FLNB: variants seen among roughly 807,000 people sequenced by gnomAD.
The protein encoded by FLNB is filamin B.
Under a neutral mutation model 250.6 loss-of-function variants are expected in FLNB, and 111 were observed. That is an observed-to-expected ratio of 0.44 (90% confidence interval 0.38 to 0.52). FLNB has a LOEUF of 0.52. Among genes scored for constraint, FLNB ranks in the 20% least tolerant of loss-of-function variants. FLNB has a pLI of 0.00. For synonymous variants in FLNB, 1,302 were observed against 1,372.1 expected, an observed-to-expected ratio of 0.95 and a Z score of 1.13; for missense variants, 2,869 against 3,447.8, an observed-to-expected ratio of 0.83 and a Z score of 4.20.
chr3:58,132,981 A>G, intron 26 of FLNB, 50 bp downstream of exon 26: 1 of 1,569,410 alleles, frequency 6.4e-7, no homozygotes, highest in Non-Finnish European at 8.6e-7. Flanking sequence ...CTATCTGTCC[A>G]CCCATCCATT....
intron 1 of FLNB, among the ~76,000 whole-genome samples, chr3:58,051,491 G>T (rs1387883521): frequency 1.3e-5 from 2 of 152,114 alleles, no homozygotes; most frequent in African/African-American, 4.8e-5. Context: ...TCTGCTACGT[G>T]TCCATCTGCA....
intron 1 of FLNB, among the ~76,000 whole-genome samples, chr3:58,017,770 A>G (rs902790843): frequency 6.6e-6 from 1 of 152,222 alleles, no homozygotes; most frequent in African/African-American, 2.4e-5. Context: ...AGCATTTACC[A>G]AAGAACAATT....
In FLNB at chr3:58,171,061, T is replaced by A. The variant is rs769154483; in HGVS notation, c.*299T>A. 1.9e-5 allele frequency: 7 copies of A among 359,000 alleles called. No individual in the cohort carries two copies. The highest frequency in any genetic ancestry group is 8.5e-5 in the Admixed American group (2 of 23,496). 22.2% of individuals were successfully genotyped at this position (359,000 alleles called of 1,614,324 possible). A position where few individuals can be genotyped will look rare whatever the true frequency, so the allele number is the denominator to read the frequency against. ...TGCAGCAGACAGACCAGGAACACAA[T>A]GAGACTGACATTTCAAAAAAACAAA... On this transcript the variant is annotated 3_prime_UTR_variant, in exon 46 of 46. Coordinates refer to ENST00000295956, the MANE Select transcript of FLNB (RefSeq NM_001457.4). The surrounding 1 kb of genome is among the most constrained non-coding windows in gnomAD (Gnocchi z 5.5).
Position 58,110,183 on chromosome 3 carries a change from G to T in FLNB, c.2484+13G>T. 2 of 1,614,092 alleles carry T rather than the reference G, an allele frequency of 1.2e-6. No homozygotes were observed. Among genetic ancestry groups the T allele is most frequent in the South Asian group, 2.2e-5 (2 of 91,072 alleles). On this transcript the variant is annotated intron_variant, in intron 16 of 45. Transcript: ENST00000295956. ...CTTTGCATCTCAGGTACGTGGTGGG[G>T]CCTGGGAGGAGATGGGTGGAGTAGG...
At position 58,108,419 on chromosome 3, in the gene FLNB, A is replaced by G. The variant is rs764170588; in HGVS notation, c.1942-39A>G. 27 of 1,329,466 alleles carry G rather than the reference A, an allele frequency of 2.0e-5. No individual in the cohort carries two copies. In the Middle Eastern group the frequency reaches 7.2e-4, roughly 36 times the overall value. 82.4% of individuals were successfully genotyped at this position (1,329,466 alleles called of 1,614,324 possible). A position where few individuals can be genotyped will look rare whatever the true frequency, so the allele number is the denominator to read the frequency against. On this transcript the variant is annotated intron_variant, in intron 12 of 45. Coordinates refer to ENST00000295956, the MANE Select transcript of FLNB (RefSeq NM_001457.4). ...CTTTGTATAAGGGTTTAGTTGGGGCATTACACAGAAAGAGACTTACTATCT... is the reference window on the plus strand; with the variant it reads ...CTTTGTATAAGGGTTTAGTTGGGGCGTTACACAGAAAGAGACTTACTATCT...
At chr3:58,069,001 A>G (rs915761945) in intron 1 of FLNB, among the ~76,000 whole-genome samples, 2 of 151,888 alleles carry the variant, frequency 1.3e-5, no homozygotes, top group African/African-American at 4.8e-5. Flanking sequence ...TAAATTAGCC[A>G]GGTGGGTGGC....
At chr3:58,045,129 T>G (rs925612118) in intron 1 of FLNB, among the ~76,000 whole-genome samples, 1 of 152,204 alleles carries the variant, frequency 6.6e-6, no homozygotes. Context: ...AAGACCCTGA[T>G]TGCCAAATTC....
intron 42 of FLNB, 95 bp from the exon 43 acceptor site, chr3:58,163,059 G>C (rs1373181386): frequency 8.1e-7 from 1 of 1,231,256 alleles, no homozygotes; most frequent in East Asian, 2.3e-5. Context: ...GATTTTAAAT[G>C]GGCCATCTCA....
intron 4 of FLNB, among the ~76,000 whole-genome samples, chr3:58,082,291 G>T (rs184183860): frequency 3.1e-4 from 47 of 152,328 alleles, no homozygotes; most frequent in African/African-American, 1.1e-3. Flanking sequence ...ATAGTGGGTA[G>T]AAGCCATTTC....
At chr3:58,060,543 G>A (rs2097176643) in intron 1 of FLNB, among the ~76,000 whole-genome samples, 1 of 151,550 alleles carries the variant, frequency 6.6e-6, no homozygotes, top group Non-Finnish European at 1.5e-5. Flanking sequence ...AGTAGAGATG[G>A]GGTTTTGTCA....
At chr3:58,140,686 G>A (rs984062666) in intron 29 of FLNB, among the ~76,000 whole-genome samples, 8 of 152,178 alleles carry the variant, frequency 5.3e-5, no homozygotes, top group Non-Finnish European at 1.2e-4. Flanking sequence ...TCAGCTCTCT[G>A]CAACCTCCAC....
At chr3:58,072,502 T>C (rs531753480) in intron 1 of FLNB, among the ~76,000 whole-genome samples, 1 of 152,360 alleles carries the variant, frequency 6.6e-6, no homozygotes, top group South Asian at 2.1e-4. Context: ...ATCTACGTGA[T>C]GGTCAGACGT....
intron 11 of FLNB, 48 bp downstream of exon 11, chr3:58,105,264 A>T: frequency 1.2e-6 from 2 of 1,612,658 alleles, no homozygotes; most frequent in Non-Finnish European, 1.7e-6. Context: ...TGAGGATTAC[A>T]GGGCTTCCGG....
At chr3:58,126,565 A>G (rs746062013) in intron 23 of FLNB, 37 bp from the exon 24 acceptor site, 19 of 1,608,998 alleles carry the variant, frequency 1.2e-5, no homozygotes, top group South Asian at 8.8e-5. Flanking sequence ...GCATAAATAA[A>G]TGGTGCACAT....
rs746105983 is a variant in FLNB at position 58,104,060 on chromosome 3, TG to T, written c.1592del (p.Gly531AspfsTer42). On this transcript the variant is annotated frameshift_variant, in exon 10 of 46. Coordinates refer to ENST00000295956, the MANE Select transcript of FLNB (RefSeq NM_001457.4). LOFTEE classifies it high-confidence loss of function. ...GGGGAGATACAGCATTGCCATCACATGGGGGGGACACCACATTCCAAAGAGG... is the reference window on the plus strand; with the variant it reads ...GGGGAGATACAGCATTGCCATCACATGGGGGGACACCACATTCCAAAGAGG... Reference protein sequence around the residue: ...TPGRYSIAITWGGHHIPKSPF... With the variant: ...TPGRYSIAITXGGHHIPKSPF... 5 of 1,613,564 alleles carry T rather than the reference TG, an allele frequency of 3.1e-6. No homozygotes were observed. The highest frequency in any genetic ancestry group is 1.7e-4 in the Middle Eastern group (1 of 5,958).
intron 28 of FLNB, among the ~76,000 whole-genome samples, chr3:58,136,763 T>TTTTTG (rs1182870203): frequency 7.0e-6 from 1 of 143,450 alleles, no homozygotes; most frequent in Non-Finnish European, 1.5e-5. Context: ...TTTTTTTTTT[T>TTTTTG]TTTTTTGAGA....
chr3:58,132,833 G>A lies in FLNB; in HGVS notation c.4416G>A (p.Val1472=), dbSNP rs768390247. ...GCTTGGTGGAGCCAGTGAACGTGGTGGACAATGGAGATGGCACACACACAG... is the reference window on the plus strand; with the variant it reads ...GCTTGGTGGAGCCAGTGAACGTGGTAGACAATGGAGATGGCACACACACAG... ...PRGLVEPVNV[V]DNGDGTHTVT... The change falls in exon 26 of 46, where the codon GTG becomes GTA. Residue 1472 remains valine (V), a synonymous_variant. Transcript: ENST00000295956. 2 of 1,614,068 alleles carry A rather than the reference G, an allele frequency of 1.2e-6. No homozygotes were observed. The highest frequency in any genetic ancestry group is 1.7e-6 in the Non-Finnish European group (2 of 1,179,998).
intron 11 of FLNB, among the ~76,000 whole-genome samples, 197 bp from the exon 12 acceptor site, chr3:58,106,483 T>A (rs547776289): frequency 4.9e-4 from 73 of 149,504 alleles, no homozygotes; most frequent in Middle Eastern, 3.5e-3. Flanking sequence ...AAAAAAAAAA[T>A]ATATATATAT....
At chr3:58,106,651 AGGGAGAC>A (rs777149873) in intron 11 of FLNB, 22 bp from the exon 12 acceptor site, 14 of 1,607,610 alleles carry the variant, frequency 8.7e-6, no homozygotes, top group Non-Finnish European at 1.2e-5. Flanking sequence ...CCATATAACC[AGGGAGAC>A]CCTTCCACCT....
Sources: allele counts gnomAD v4.1 joint callset (sites outside exome capture counted in the v4.1 genomes callset), GRCh38; gene constraint gnomAD v4.1.1; non-coding constraint Gnocchi (gnomAD v3.1); transcripts MANE v1.5; gene names NCBI Gene and HGNC (gene_info 2026-07-23, HGNC 2026-07-21).